Variants in PHACTR4 observed in about 807,000 individuals in gnomAD.
PHACTR4 encodes the protein phosphatase and actin regulator 4, also known as protein phosphatase 1, regulatory subunit 124.
A neutral mutation model predicts 72.7 loss-of-function variants in PHACTR4; 51 were observed. The ratio of observed to expected loss-of-function variants is 0.70; its 90% CI spans 0.56 to 0.89. The LOEUF (loss-of-function observed/expected upper bound fraction) is 0.89. Among genes scored for constraint, PHACTR4 ranks in the 40% least tolerant of loss-of-function variants. The pLI is 0.00. For synonymous variants in PHACTR4, 255 were observed against 302.5 expected (o/e 0.84, Z 1.63); for missense variants, 731 against 861.8 (o/e 0.85, Z 1.90).
Position 28,496,783 on chromosome 1 carries a change from C to G in PHACTR4, c.*234C>G. On this transcript the variant is annotated 3_prime_UTR_variant, in exon 14 of 14. Coordinates refer to ENST00000373839, the MANE Select transcript of PHACTR4 (RefSeq NM_001048183.3). ...TTGAACCTTTCAATATTGTAGCATGCTTGAGGAGTTTTTCCCTTACTGGCC... is the reference window on the plus strand; with the variant it reads ...TTGAACCTTTCAATATTGTAGCATGGTTGAGGAGTTTTTCCCTTACTGGCC... 1 of 581,972 alleles carries G rather than the reference C, an allele frequency of 1.7e-6. No individual in the cohort carries two copies. Among genetic ancestry groups the G allele is most frequent in the Non-Finnish European group, 3.1e-6 (1 of 327,120 alleles). 36.1% of individuals were successfully genotyped at this position (581,972 alleles called of 1,614,324 possible). A position where few individuals can be genotyped will look rare whatever the true frequency, so the allele number is the denominator to read the frequency against.
At position 28,498,149 on chromosome 1, in the gene PHACTR4, A is replaced by C. The variant is rs1372914658; in HGVS notation, c.*1600A>C. The stretch of plus-strand genomic sequence containing the variant: ...CTCCTCCTTAAAGCAGAGTTGTATC[A>C]ACTCTGTGGGAGCATTTATGAGCTG... On this transcript the variant is annotated 3_prime_UTR_variant, in exon 14 of 14. Transcript: ENST00000373839. The C allele has an allele frequency of 6.6e-6, 1 of 152,162 alleles. No individual in the cohort carries two copies. The highest frequency in any genetic ancestry group is 1.5e-5 in the Non-Finnish European group (1 of 68,038). 9.4% of individuals were successfully genotyped at this position (152,162 alleles called of 1,614,324 possible).
chr1:28,490,386 G>T (rs1006636193), intron 10 of PHACTR4, among the ~76,000 whole-genome samples: 1 of 151,990 alleles, frequency 6.6e-6, no homozygotes, highest in Non-Finnish European at 1.5e-5. Flanking sequence ...AAAAAAATTA[G>T]CCGGGCATGG....
intron 2 of PHACTR4, among the ~76,000 whole-genome samples, chr1:28,453,180 G>A (rs569880149): frequency 7.0e-4 from 107 of 152,158 alleles, no homozygotes; most frequent in Non-Finnish European, 1.4e-3. Flanking sequence ...CTGTACTGCT[G>A]TAATTTCATA....
intron 2 of PHACTR4, among the ~76,000 whole-genome samples, chr1:28,453,060 G>A (rs1056899787): frequency 2.7e-5 from 4 of 148,958 alleles, no homozygotes; most frequent in Non-Finnish European, 1.5e-5. Flanking sequence ...CAGAGGTTGT[G>A]GTGAGCCGAG....
intron 7 of PHACTR4, among the ~76,000 whole-genome samples, chr1:28,475,327 T>C (rs1659853621): frequency 6.6e-6 from 1 of 152,104 alleles, no homozygotes; most frequent in South Asian, 2.1e-4. Flanking sequence ...TACAAAATTA[T>C]GTACATGAAA....
At chr1:28,478,938 A>G (rs1263081553) in intron 8 of PHACTR4, among the ~76,000 whole-genome samples, 1 of 152,144 alleles carries the variant, frequency 6.6e-6, no homozygotes, top group African/African-American at 2.4e-5. Context: ...CAGTTTTTTA[A>G]GGAACCTCCA....
chr1:28,391,107 A>T (rs528668648), intron 1 of PHACTR4, among the ~76,000 whole-genome samples: 44 of 102,348 alleles, frequency 4.3e-4, no homozygotes, highest in African/African-American at 2.2e-3. Flanking sequence ...TAAAAACAGT[A>T]AATAAAAATA....
chr1:28,487,121 C>T (rs940815164), intron 9 of PHACTR4, among the ~76,000 whole-genome samples: 1 of 152,086 alleles, frequency 6.6e-6, no homozygotes, highest in Admixed American at 6.5e-5. Context: ...AATCCCAGCA[C>T]TTTGGGAGGC....
At chr1:28,426,983 C>T (rs1655908703) in intron 2 of PHACTR4, among the ~76,000 whole-genome samples, 2 of 152,122 alleles carry the variant, frequency 1.3e-5, no homozygotes, top group African/African-American at 4.8e-5. Flanking sequence ...CTACTGAGCA[C>T]CTAAAATGTG....
At chr1:28,388,060 G>T (rs761029058) in intron 1 of PHACTR4, among the ~76,000 whole-genome samples, 1 of 151,942 alleles carries the variant, frequency 6.6e-6, no homozygotes, top group African/African-American at 2.4e-5. Context: ...GTATGGCAAC[G>T]TGGGCCTGTG....
rs35369238 is a variant in PHACTR4, at chr1:28,476,772, CTT to C, written c.1606+495_1606+496del. 1.9e-4 allele frequency among the ~76,000 whole-genome samples: 19 copies of C among 98,410 alleles called. 1 individual carries two copies. Among genetic ancestry groups the C allele is most frequent in the African/African-American group, 4.9e-4 (10 of 20,544 alleles). The allele number at this position is 98,410 out of a possible 152,430, so 64.6% of individuals were successfully genotyped here. ...GTCTCGTTAGGTTGCCTAGCCTGTT[CTT>C]TTTTTTTTTTTTTGAGACGGAGTTT... On this transcript the variant is annotated intron_variant, in intron 8 of 13. Coordinates refer to ENST00000373839, the MANE Select transcript of PHACTR4 (RefSeq NM_001048183.3).
intron 2 of PHACTR4, among the ~76,000 whole-genome samples, chr1:28,450,258 C>G (rs985930085): frequency 6.6e-6 from 1 of 151,918 alleles, no homozygotes; most frequent in Non-Finnish European, 1.5e-5. Context: ...CATCCTACAC[C>G]CTGATTTCTG....
intron 1 of PHACTR4, among the ~76,000 whole-genome samples, chr1:28,381,164 G>A (rs531115684): frequency 7.3e-5 from 11 of 149,844 alleles, no homozygotes; most frequent in Non-Finnish European, 1.0e-4. Context: ...ACACCACCAC[G>A]CCCGGCTAAT....
chr1:28,445,038 C>T (rs1011273225), intron 2 of PHACTR4, among the ~76,000 whole-genome samples: 34 of 151,800 alleles, frequency 2.2e-4, no homozygotes, highest in Admixed American at 3.9e-4. Flanking sequence ...TCACTGCAAC[C>T]TCCACCTCTC....
chr1:28,386,640 G>A (rs767934879), intron 1 of PHACTR4, among the ~76,000 whole-genome samples: 12 of 151,986 alleles, frequency 7.9e-5, no homozygotes, highest in Non-Finnish European at 1.3e-4. Context: ...GTGAGCCACC[G>A]TGCCCAGCCT....
Position 28,486,526 on chromosome 1 carries a change from GTTTGTTT to G in PHACTR4, c.1761-2620_1761-2614del, listed in dbSNP as rs139954167. 6.6e-3 allele frequency among the ~76,000 whole-genome samples: 998 copies of G among 152,106 alleles called. 6 individuals are homozygous for G. Among genetic ancestry groups the G allele is most frequent in the African/African-American group, 0.022 (897 of 41,498 alleles). Reference sequence around the variant, plus strand: ...TGTCAGTTATATCGTATTAAAGCTGGTTTGTTTTTTGTTTTTTGTTTTTTGTTTTTCC... The same window carrying G: ...TGTCAGTTATATCGTATTAAAGCTGGTTTGTTTTTTGTTTTTTGTTTTTCC... On this transcript the variant is annotated intron_variant, in intron 9 of 13. Coordinates refer to ENST00000373839, the MANE Select transcript of PHACTR4 (RefSeq NM_001048183.3).
chr1:28,487,979 C>T (rs1324925945), intron 9 of PHACTR4, among the ~76,000 whole-genome samples: 1 of 151,654 alleles, frequency 6.6e-6, no homozygotes, highest in African/African-American at 2.4e-5. Flanking sequence ...TCAGGTGATC[C>T]ACCTGCTTCA....
At chr1:28,375,797 C>T (rs558408731) in intron 1 of PHACTR4, among the ~76,000 whole-genome samples, 33 of 152,236 alleles carry the variant, frequency 2.2e-4, no homozygotes, top group African/African-American at 6.5e-4. Context: ...CGGCCAGGCG[C>T]GGTGGCTCAC....
chr1:28,389,371 A>G (rs1652817011), intron 1 of PHACTR4, among the ~76,000 whole-genome samples: 1 of 152,210 alleles, frequency 6.6e-6, no homozygotes, highest in South Asian at 2.1e-4. Context: ...ATACTGGTGA[A>G]GAAAAAAATG....
Sources: gnomAD v4.1 joint callset for allele counts (sites outside exome capture counted in the v4.1 genomes callset) on GRCh38, gnomAD v4.1.1 for gene constraint, MANE v1.5 for transcripts, NCBI Gene and HGNC (gene_info 2026-07-23, HGNC 2026-07-21) for gene names.